The following AUTS2 variants were observed in gnomAD, a reference collection of about 807,000 sequenced individuals.
AUTS2 encodes autism susceptibility gene 2 protein.
A neutral mutation model predicts 112.4 loss-of-function variants in AUTS2; 17 were observed. The ratio of observed to expected loss-of-function variants is 0.15; its 90% CI spans 0.10 to 0.23. AUTS2 has a LOEUF of 0.23. AUTS2 is among the 10% of genes least tolerant of loss of function. AUTS2 has a pLI of 1.00. For synonymous variants in AUTS2, 751 were observed against 702.7 expected (o/e 1.07, Z -1.09); for missense variants, 1,510 against 1,701.6 (o/e 0.89, Z 1.98).
intron 5 of AUTS2, among the ~76,000 whole-genome samples, chr7:70,486,025 A>G (rs1221502159): frequency 6.7e-6 from 1 of 150,108 alleles, no homozygotes; most frequent in Non-Finnish European, 1.5e-5. Flanking sequence ...ATAAATAAAT[A>G]AATAAACCTA....
At chr7:69,785,899 C>T (rs567706033) in intron 1 of AUTS2, among the ~76,000 whole-genome samples, 40 of 152,252 alleles carry the variant, frequency 2.6e-4, no homozygotes, top group African/African-American at 8.9e-4. Flanking sequence ...GGCGCAATCT[C>T]GGCTTACTGC....
rs1650690730 is a variant in AUTS2, at chr7:70,793,174, G to T, written c.*2178G>T. 1 of 151,640 alleles carries T rather than the reference G, an allele frequency of 6.6e-6. No homozygotes were observed. Among genetic ancestry groups the T allele is most frequent in the Non-Finnish European group, 1.5e-5 (1 of 67,938 alleles). 9.4% of individuals were successfully genotyped at this position (151,640 alleles called of 1,614,324 possible). On this transcript the variant is annotated 3_prime_UTR_variant, in exon 19 of 19. Transcript: ENST00000342771. ...TCTGGATTTTGTAGACGTGTGTACA[G>T]TGTGGGCCACGTTAGCCAGTTGTTT...
chr7:70,624,939 G>A (rs1205599343), intron 5 of AUTS2, among the ~76,000 whole-genome samples: 1 of 152,124 alleles, frequency 6.6e-6, no homozygotes, highest in African/African-American at 2.4e-5. Flanking sequence ...TTGTCCAGCA[G>A]GGAGGCGAAT....
chr7:70,681,627 C>T (rs535827782), intron 5 of AUTS2, among the ~76,000 whole-genome samples: 115 of 152,242 alleles, frequency 7.6e-4, no homozygotes, highest in African/African-American at 2.6e-3. Flanking sequence ...AACCCGCCCA[C>T]TTTGCTTTTC....
At chr7:70,408,141 A>C (rs1205097697) in intron 4 of AUTS2, among the ~76,000 whole-genome samples, 9 of 151,506 alleles carry the variant, frequency 5.9e-5, no homozygotes, top group African/African-American at 2.2e-4. Flanking sequence ...TAATCGCACC[A>C]CTGCACTCCC....
intron 3 of AUTS2, among the ~76,000 whole-genome samples, chr7:70,124,112 G>A (rs1054471031): frequency 7.2e-5 from 11 of 152,130 alleles, no homozygotes; most frequent in African/African-American, 2.4e-4. Flanking sequence ...CAGTGATATT[G>A]AGCTTTTTTT....
At chr7:69,715,762 T>A (rs1424450696) in intron 1 of AUTS2, among the ~76,000 whole-genome samples, 1 of 152,248 alleles carries the variant, frequency 6.6e-6, no homozygotes, top group Non-Finnish European at 1.5e-5. Context: ...AGATGATGAT[T>A]GCTTTCATAA....
intron 1 of AUTS2, among the ~76,000 whole-genome samples, chr7:69,793,462 C>T (rs1425365621): frequency 9.2e-5 from 14 of 152,154 alleles, no homozygotes; most frequent in Admixed American, 9.2e-4. Flanking sequence ...AGTCCTGACA[C>T]AGAACTATGG....
At chr7:69,628,682 G>C (rs1291911681) in intron 1 of AUTS2, among the ~76,000 whole-genome samples, 1 of 152,142 alleles carries the variant, frequency 6.6e-6, no homozygotes, top group Non-Finnish European at 1.5e-5. Context: ...GAAAGGGAGA[G>C]GGGGAGATGC....
intron 4 of AUTS2, among the ~76,000 whole-genome samples, chr7:70,344,306 C>T (rs565902595): frequency 3.9e-5 from 6 of 152,242 alleles, no homozygotes; most frequent in Non-Finnish European, 5.9e-5. Context: ...GAAAAAAATA[C>T]GAGGCATGAG....
intron 1 of AUTS2, among the ~76,000 whole-genome samples, chr7:69,795,244 G>C (rs1255624950): frequency 2.0e-5 from 3 of 152,172 alleles, no homozygotes; most frequent in Admixed American, 6.5e-5. Flanking sequence ...CTAGTTTTGT[G>C]ACCTTAGAAT....
At chr7:69,751,982 AT>A (rs1232918648) in intron 1 of AUTS2, among the ~76,000 whole-genome samples, 1 of 151,724 alleles carries the variant, frequency 6.6e-6, no homozygotes, top group African/African-American at 2.4e-5. Context: ...TAAAAGTTAA[AT>A]TTTTTTTTGA....
chr7:70,742,235 T>C (rs1258505124), intron 6 of AUTS2, among the ~76,000 whole-genome samples: 1 of 152,178 alleles, frequency 6.6e-6, no homozygotes, highest in East Asian at 1.9e-4. Context: ...CTAGGAGGAA[T>C]GAAAGTACAT....
intron 4 of AUTS2, among the ~76,000 whole-genome samples, chr7:70,417,230 C>T (rs1470962954): frequency 6.6e-6 from 1 of 152,188 alleles, no homozygotes; most frequent in Non-Finnish European, 1.5e-5. Flanking sequence ...GGCAGGCAGC[C>T]GGCTGTGCCT....
At chr7:70,437,839 A>G (rs1380125839) in intron 5 of AUTS2, 3 of 131,480 alleles carry the variant, frequency 2.3e-5, no homozygotes, top group Admixed American at 8.4e-5. Flanking sequence ...GATTCCATCA[A>G]AAAAAAAAAA....
intron 1 of AUTS2, among the ~76,000 whole-genome samples, chr7:69,878,847 A>T (rs1793916027): frequency 6.6e-6 from 1 of 152,090 alleles, no homozygotes; most frequent in South Asian, 2.1e-4. Context: ...GTGTTTCTAT[A>T]CTCAACCAGT....
At position 70,125,989 on chromosome 7, in the gene AUTS2, GACTT is replaced by G. The variant is rs1203950489; in HGVS notation, c.624+7760_624+7763del. Among the ~76,000 whole-genome samples, 20 of 152,124 alleles carry G rather than the reference GACTT, an allele frequency of 1.3e-4. 1 individual carries two copies. Among genetic ancestry groups the G allele is most frequent in the African/African-American group, 4.8e-4 (20 of 41,410 alleles). ...TATTTTTAGGAGCTTTGGCAGTTGA[GACTT>G]ACTCTCAAGTGAGGCTAATCAAAAT... On this transcript the variant is annotated intron_variant, in intron 3 of 18. Transcript: ENST00000342771.
intron 5 of AUTS2, among the ~76,000 whole-genome samples, chr7:70,506,630 G>T (rs569398872): frequency 1.3e-5 from 2 of 152,268 alleles, no homozygotes; most frequent in African/African-American, 4.8e-5. Flanking sequence ...CGTGCTCCGC[G>T]CCCAGCGTAA....
At chr7:70,453,673 A>G (rs1796620104) in intron 5 of AUTS2, among the ~76,000 whole-genome samples, 1 of 152,170 alleles carries the variant, frequency 6.6e-6, no homozygotes, top group Non-Finnish European at 1.5e-5. Context: ...TGCCACCAGC[A>G]TTCCTTGGCT....
Sources: allele counts gnomAD v4.1 joint callset (sites outside exome capture counted in the v4.1 genomes callset), GRCh38; gene constraint gnomAD v4.1.1; transcripts MANE v1.5; gene names NCBI Gene and HGNC (gene_info 2026-07-23, HGNC 2026-07-21).